PTPRD: variants seen among roughly 807,000 people sequenced by gnomAD.
PTPRD encodes receptor-type tyrosine-protein phosphatase delta.
A neutral mutation model predicts 214.5 loss-of-function variants in PTPRD; 34 were observed. The ratio of observed to expected loss-of-function variants is 0.16; its 90% CI spans 0.12 to 0.21. PTPRD has a LOEUF of 0.21. Among genes scored for constraint, PTPRD ranks in the 10% least tolerant of loss-of-function variants. PTPRD has a pLI of 1.00. For synonymous variants in PTPRD, 1,128 were observed against 845.7 expected (o/e 1.33, Z -5.79); for missense variants, 2,545 against 2,398.7 (o/e 1.06, Z -1.27).
At chr9:8,427,591 G>C (rs2094768421) in intron 35 of PTPRD, among the ~76,000 whole-genome samples, 1 of 151,970 alleles carries the variant, frequency 6.6e-6, no homozygotes, top group Non-Finnish European at 1.5e-5. Flanking sequence ...GAGTAAGAAA[G>C]GGCAACATAA....
intron 11 of PTPRD, among the ~76,000 whole-genome samples, chr9:8,826,983 G>A (rs1280541574): frequency 1.3e-5 from 2 of 151,774 alleles, no homozygotes; most frequent in Admixed American, 6.6e-5. Context: ...TGTTTAAACT[G>A]GCAGATTTCT....
chr9:8,947,202 G>C (rs1335573256), intron 11 of PTPRD, among the ~76,000 whole-genome samples: 1 of 151,362 alleles, frequency 6.6e-6, no homozygotes, highest in African/African-American at 2.4e-5. Context: ...GGTGGCTCAC[G>C]CCTGTAATCC....
chr9:9,830,192 A>G (rs1043470440), intron 5 of PTPRD, among the ~76,000 whole-genome samples: 1 of 151,830 alleles, frequency 6.6e-6, no homozygotes, highest in Non-Finnish European at 1.5e-5. Context: ...GTAAAAAAGT[A>G]AAATTAATCA....
At chr9:10,090,917 T>TACACACACACACAC (rs747128757) in intron 3 of PTPRD, among the ~76,000 whole-genome samples, 8 of 53,008 alleles carry the variant, frequency 1.5e-4, no homozygotes, top group East Asian at 1.1e-3. Flanking sequence ...ATAAATGAAA[T>TACACACACACACAC]ATACACACAC....
At chr9:9,448,430 A>G (rs1409264647) in intron 8 of PTPRD, among the ~76,000 whole-genome samples, 1 of 151,938 alleles carries the variant, frequency 6.6e-6, no homozygotes, top group Admixed American at 6.6e-5. Flanking sequence ...AGTGTTTGCA[A>G]GTTCTTCCTT....
intron 4 of PTPRD, among the ~76,000 whole-genome samples, chr9:9,971,765 A>G (rs938620856): frequency 3.3e-5 from 5 of 152,178 alleles, no homozygotes; most frequent in Admixed American, 3.3e-4. Flanking sequence ...TAACAATATA[A>G]TAATTTCAAA....
chr9:10,037,885 C>T (rs1251064531), intron 3 of PTPRD, among the ~76,000 whole-genome samples: 1 of 152,090 alleles, frequency 6.6e-6, no homozygotes, highest in African/African-American at 2.4e-5. Context: ...TTGCATCCTA[C>T]ATAGTTATTA....
At chr9:9,058,285 C>T (rs12005015) in intron 10 of PTPRD, among the ~76,000 whole-genome samples, 7,384 of 151,934 alleles carry the variant, frequency 0.049, 285 homozygotes, top group African/African-American at 0.1. Context: ...TATGCAATGT[C>T]ACAACCCATG....
chr9:10,182,516 T>C (rs2099303951), intron 3 of PTPRD, among the ~76,000 whole-genome samples: 1 of 152,072 alleles, frequency 6.6e-6, no homozygotes, highest in African/African-American at 2.4e-5. Flanking sequence ...GCTCTTACTA[T>C]TTATCAGTAA....
At chr9:8,759,738 T>A (rs1352034787) in intron 11 of PTPRD, among the ~76,000 whole-genome samples, 1 of 152,126 alleles carries the variant, frequency 6.6e-6, no homozygotes, top group Non-Finnish European at 1.5e-5. Context: ...CTTCTTCCTT[T>A]CTGCTGAGGA....
chr9:8,492,748 T>G, intron 27 of PTPRD, 114 bp downstream of exon 27: 2 of 632,184 alleles, frequency 3.2e-6, no homozygotes, highest in Non-Finnish European at 5.0e-6. Context: ...AAGTTGACCA[T>G]AGTCCATTTA....
intron 8 of PTPRD, among the ~76,000 whole-genome samples, chr9:9,493,201 T>C (rs988460710): frequency 2.0e-5 from 3 of 152,018 alleles, no homozygotes; most frequent in Non-Finnish European, 2.9e-5. Flanking sequence ...CCCTTAAGAA[T>C]AATGCTTAAG....
chr9:9,805,194 T>C (rs2099065240), intron 5 of PTPRD, among the ~76,000 whole-genome samples: 2 of 152,176 alleles, frequency 1.3e-5, no homozygotes, highest in South Asian at 4.1e-4. Context: ...AATGTCTCAA[T>C]AACCCCCAAA....
chr9:9,609,259 C>T (rs1231876891), intron 7 of PTPRD, among the ~76,000 whole-genome samples: 1 of 152,030 alleles, frequency 6.6e-6, no homozygotes, highest in African/African-American at 2.4e-5. Flanking sequence ...AAAATAGAAT[C>T]ATCTGATTGA....
intron 4 of PTPRD, among the ~76,000 whole-genome samples, chr9:10,019,694 G>A (rs1025248479): frequency 6.7e-5 from 10 of 150,008 alleles, no homozygotes; most frequent in South Asian, 4.3e-4. Flanking sequence ...ACTAAACACC[G>A]CATGTTCTCA....
intron 9 of PTPRD, among the ~76,000 whole-genome samples, chr9:9,272,534 G>A (rs549892220): frequency 6.6e-6 from 1 of 151,374 alleles, no homozygotes; most frequent in South Asian, 2.1e-4. Flanking sequence ...AGGTATTTAA[G>A]GACAACTTTA....
In PTPRD at chr9:9,659,105, C is replaced by T. The variant is rs563772649; in HGVS notation, c.-287+75428G>A. 5.3e-5 allele frequency among the ~76,000 whole-genome samples: 8 copies of T among 152,058 alleles called. No homozygotes were observed. In the South Asian group the frequency reaches 1.0e-3, roughly 20 times the overall value. On this transcript the variant is annotated intron_variant, in intron 7 of 45. Transcript: ENST00000381196. ...ATTACAGGATACATAAAAACAGTTG[C>T]TTTTTTATTAAATTGATCACTAAAC...
At chr9:9,244,840 T>A (rs1239382339) in intron 9 of PTPRD, among the ~76,000 whole-genome samples, 1 of 151,924 alleles carries the variant, frequency 6.6e-6, no homozygotes, top group Non-Finnish European at 1.5e-5. Flanking sequence ...ACCATCAGAG[T>A]GAACAGGCAA....
At chr9:8,804,560 G>A (rs889161354) in intron 11 of PTPRD, among the ~76,000 whole-genome samples, 1 of 152,180 alleles carries the variant, frequency 6.6e-6, no homozygotes, top group South Asian at 2.1e-4. Context: ...TCACGCCAAT[G>A]CACTGCAGTC....
Sources: allele counts gnomAD v4.1 joint callset (sites outside exome capture counted in the v4.1 genomes callset), GRCh38; gene constraint gnomAD v4.1.1; transcripts MANE v1.5; gene names NCBI Gene and HGNC (gene_info 2026-07-23, HGNC 2026-07-21).